ABCB1: variants seen among roughly 807,000 people sequenced by gnomAD.
The protein encoded by ABCB1 is ATP-dependent translocase ABCB1.
A neutral mutation model predicts 142.0 loss-of-function variants in ABCB1; 69 were observed. The observed-to-expected ratio is 0.49, with a 90% CI of 0.40 to 0.59. ABCB1 has a LOEUF of 0.59. Among genes scored for constraint, ABCB1 ranks in the 20% least tolerant of loss-of-function variants. ABCB1 has a pLI of 0.00. For synonymous variants in ABCB1, 532 were observed against 539.2 expected, an observed-to-expected ratio of 0.99 and a Z score of 0.18; for missense variants, 1,326 against 1,554.7, an observed-to-expected ratio of 0.85 and a Z score of 2.47.
At chr7:87,669,916 T>A (rs1825662756) in intron 1 of ABCB1, among the ~76,000 whole-genome samples, 1 of 152,190 alleles carries the variant, frequency 6.6e-6, no homozygotes, top group Non-Finnish European at 1.5e-5. Flanking sequence ...TTTCTTTCAT[T>A]TTAACCTTGG....
chr7:87,516,964 C>T (rs527630466), intron 23 of ABCB1, among the ~76,000 whole-genome samples: 45 of 151,914 alleles, frequency 3.0e-4, no homozygotes, highest in Admixed American at 7.2e-4. Flanking sequence ...CTCGAACTAC[C>T]GGGCTGAAGT....
At chr7:87,560,006 T>C (rs1176302018) in intron 8 of ABCB1, among the ~76,000 whole-genome samples, 1 of 152,236 alleles carries the variant, frequency 6.6e-6, no homozygotes, top group East Asian at 1.9e-4. Context: ...GAATAACTTA[T>C]CTAAATAGTA....
At chr7:87,545,265 C>T (rs530815693) in intron 15 of ABCB1, among the ~76,000 whole-genome samples, 12 of 152,278 alleles carry the variant, frequency 7.9e-5, no homozygotes, top group African/African-American at 1.2e-4. Context: ...TATCTTCTCA[C>T]GCCATTTTTT....
intron 21 of ABCB1, among the ~76,000 whole-genome samples, chr7:87,522,843 A>G (rs1012209957): frequency 1.3e-5 from 2 of 152,156 alleles, no homozygotes; most frequent in African/African-American, 4.8e-5. Context: ...GAAACTCTAT[A>G]TTTAGCTCTA....
chr7:87,583,343 A>G (rs545604624), intron 4 of ABCB1, among the ~76,000 whole-genome samples: 36 of 152,204 alleles, frequency 2.4e-4, no homozygotes, highest in Non-Finnish European at 4.0e-4. Flanking sequence ...GTGGTTTTTG[A>G]GCCAGGCAGT....
intron 1 of ABCB1, among the ~76,000 whole-genome samples, chr7:87,703,144 G>A (rs1829243363): frequency 1.3e-5 from 2 of 152,030 alleles, no homozygotes; most frequent in Admixed American, 6.5e-5. Context: ...ATTATTTCAC[G>A]ATTATAGAAT....
In ABCB1 at chr7:87,558,573, T is replaced by C. The variant is rs1817412075; in HGVS notation, c.827+2690A>G. On this transcript the variant is annotated intron_variant, in intron 8 of 27. Transcript: ENST00000622132. ...TTTTATTGGTCTTATTATCTAGTAC[T>C]AGTACAACAGTACATAGAAATGATA... is the stretch of plus-strand genomic sequence containing the variant. Among the ~76,000 whole-genome samples, 6 of 152,314 alleles carry C rather than the reference T, an allele frequency of 3.9e-5. No individual in the cohort carries two copies. The South Asian group carries it at 1.2e-3, about 32-fold the overall frequency.
chr7:87,655,034 C>A (rs1305506313), intron 1 of ABCB1, among the ~76,000 whole-genome samples: 3 of 151,992 alleles, frequency 2.0e-5, no homozygotes, highest in Non-Finnish European at 4.4e-5. Context: ...CGAAGGATAA[C>A]AAGTGCTGGA....
At chr7:87,607,682 G>C (rs1819703207) in intron 1 of ABCB1, among the ~76,000 whole-genome samples, 2 of 152,014 alleles carry the variant, frequency 1.3e-5, no homozygotes, top group African/African-American at 4.8e-5. Context: ...CTCTCAAGTA[G>C]CTGGGACCAA....
chr7:87,597,091 A>G (rs566245323), intron 2 of ABCB1, among the ~76,000 whole-genome samples: 2 of 152,194 alleles, frequency 1.3e-5, no homozygotes, highest in South Asian at 4.1e-4. Context: ...AGAAGAGTTA[A>G]CTTGTCCAAG....
chr7:87,538,308 T>C (rs534068778), intron 19 of ABCB1, among the ~76,000 whole-genome samples: 80 of 152,196 alleles, frequency 5.3e-4, no homozygotes, highest in Middle Eastern at 6.8e-3. Flanking sequence ...AAGGACAGGG[T>C]TTCCCATCAA....
chr7:87,638,742 G>A (rs1443686863), intron 1 of ABCB1, among the ~76,000 whole-genome samples: 2 of 151,452 alleles, frequency 1.3e-5, no homozygotes, highest in African/African-American at 4.9e-5. Flanking sequence ...ATTTTGCTAG[G>A]CATTTATTAA....
intron 1 of ABCB1, chr7:87,628,584 CGTGTGT>C (rs71117546): frequency 0.12 from 35,682 of 289,232 alleles, 1,511 homozygotes; most frequent in African/African-American, 0.17. Context: ...TGCGTGCGTG[CGTGTGT>C]GTGTGTGTGT....
chr7:87,592,729 T>G (rs1056064071), intron 3 of ABCB1, among the ~76,000 whole-genome samples: 1 of 152,172 alleles, frequency 6.6e-6, no homozygotes, highest in Non-Finnish European at 1.5e-5. Flanking sequence ...AGTTCCTAAA[T>G]TGCAGGTACT....
chr7:87,614,521 ACAG>A (rs1819967528), intron 1 of ABCB1, among the ~76,000 whole-genome samples: 1 of 152,256 alleles, frequency 6.6e-6, no homozygotes, highest in South Asian at 2.1e-4. Context: ...GTGATAGATT[ACAG>A]CATCTTCTAG....
In ABCB1 at chr7:87,549,778, C is replaced by T. The variant is rs1584870801; in HGVS notation, c.1554+73G>A. 2 of 1,532,896 alleles carry T rather than the reference C, an allele frequency of 1.3e-6. No homozygotes were observed. The highest frequency in any genetic ancestry group is 1.8e-6 in the Non-Finnish European group (2 of 1,108,596). 95.0% of individuals were successfully genotyped at this position (1,532,896 alleles called of 1,614,324 possible). Reference sequence around the variant, plus strand: ...CCTTCTTCCGATTTATAGTAGTTTCCTAACTTCCTGCATAGTAGGCCTGCA... The same window carrying T: ...CCTTCTTCCGATTTATAGTAGTTTCTTAACTTCCTGCATAGTAGGCCTGCA... On this transcript the variant is annotated intron_variant, in intron 13 of 27. Transcript: ENST00000622132.
chr7:87,581,326 C>T (rs1584898864), intron 4 of ABCB1, among the ~76,000 whole-genome samples: 1 of 152,064 alleles, frequency 6.6e-6, no homozygotes, highest in African/African-American at 2.4e-5. Flanking sequence ...TTTACAGGCA[C>T]CCCACCTGCC....
At chr7:87,513,385 G>C (rs1441755805) in intron 25 of ABCB1, among the ~76,000 whole-genome samples, 1 of 152,004 alleles carries the variant, frequency 6.6e-6, no homozygotes, top group Non-Finnish European at 1.5e-5. Context: ...ATTATGTTCT[G>C]CTTGTGTTTA....
intron 4 of ABCB1, among the ~76,000 whole-genome samples, chr7:87,576,229 A>G (rs777991970): frequency 7.3e-5 from 11 of 151,716 alleles, no homozygotes; most frequent in Non-Finnish European, 1.5e-4. Flanking sequence ...TTTTGGCTTG[A>G]AAACCCTTAA....
Sources: allele counts gnomAD v4.1 joint callset (sites outside exome capture counted in the v4.1 genomes callset), GRCh38; gene constraint gnomAD v4.1.1; transcripts MANE v1.5; gene names NCBI Gene and HGNC (gene_info 2026-07-23, HGNC 2026-07-21).